TM9SF3: variants seen among roughly 807,000 people sequenced by gnomAD.
The protein encoded by TM9SF3 is transmembrane 9 superfamily member 3, also known as SM-11044-binding protein.
TM9SF3 carries 14 observed loss-of-function variants against 78.6 expected under a neutral mutation model. That is an observed-to-expected ratio of 0.18 (90% CI 0.12 to 0.28). TM9SF3 has a LOEUF of 0.28. Ranked by LOEUF, TM9SF3 falls within the 10% of genes least tolerant of loss-of-function variation. The probability of loss-of-function intolerance (pLI) is 1.00; values close to 1 mark genes in which losing one functional copy is unlikely to be tolerated. For missense variants in TM9SF3, 496 were observed against 721.9 expected, an observed-to-expected ratio of 0.69 and a Z score of 3.59; for synonymous variants, 231 against 241.7, an observed-to-expected ratio of 0.96 and a Z score of 0.41.
intron 1 of TM9SF3, among the ~76,000 whole-genome samples, chr10:96,584,176 A>G (rs920441068): frequency 1.3e-5 from 2 of 152,248 alleles, no homozygotes; most frequent in African/African-American, 4.8e-5. Flanking sequence ...TTATTGTTTG[A>G]TAATTCAATT....
At chr10:96,558,233 T>C (rs1038091030) in intron 5 of TM9SF3, among the ~76,000 whole-genome samples, 38 of 152,278 alleles carry the variant, frequency 2.5e-4, no homozygotes, top group Non-Finnish European at 1.0e-4. Context: ...CCATACCCTA[T>C]TGAAGATTGC....
intron 9 of TM9SF3, among the ~76,000 whole-genome samples, chr10:96,539,819 CAA>C (rs1034340322): frequency 6.7e-6 from 1 of 150,032 alleles, no homozygotes; most frequent in Non-Finnish European, 1.5e-5. Flanking sequence ...GAAAAATGTC[CAA>C]AAAAAAAGAA....
chr10:96,538,469 T>C (rs1847984768), intron 9 of TM9SF3, among the ~76,000 whole-genome samples: 2 of 152,136 alleles, frequency 1.3e-5, no homozygotes, highest in African/African-American at 2.4e-5. Context: ...TGATGTCTGG[T>C]TTGGCAAAAG....
intron 5 of TM9SF3, among the ~76,000 whole-genome samples, chr10:96,557,061 T>C (rs1463694743): frequency 2.0e-5 from 3 of 152,152 alleles, no homozygotes; most frequent in African/African-American, 7.2e-5. Context: ...CAGGGCTTAG[T>C]CCTTGGTCCT....
intron 9 of TM9SF3, 67 bp from the exon 10 acceptor site, chr10:96,533,257 G>A: frequency 6.6e-7 from 1 of 1,511,812 alleles, no homozygotes; most frequent in Non-Finnish European, 8.9e-7. Flanking sequence ...AAATAAAAGA[G>A]ACACAATTTA....
chr10:96,567,640 A>C lies in TM9SF3; in HGVS notation c.299-2214T>G, dbSNP rs528686769. Among the ~76,000 whole-genome samples, 4 of 151,026 alleles carry C rather than the reference A, an allele frequency of 2.6e-5. No homozygotes were observed. The South Asian group carries it at 8.3e-4, about 31-fold the overall frequency. ...CCCACTCCCCACACTTCTTATACCCACTCCCATACCTCCCTTATGGCATGT... is the reference window on the plus strand; with the variant it reads ...CCCACTCCCCACACTTCTTATACCCCCTCCCATACCTCCCTTATGGCATGT... On this transcript the variant is annotated intron_variant, in intron 2 of 14. Transcript: ENST00000371142.
chr10:96,539,828 A>G (rs945099561), intron 9 of TM9SF3, among the ~76,000 whole-genome samples: 2 of 152,206 alleles, frequency 1.3e-5, no homozygotes, highest in Non-Finnish European at 1.5e-5. Context: ...CCAAAAAAAA[A>G]GAACAAAAAC....
chr10:96,530,946 C>G (rs558967011), intron 10 of TM9SF3, among the ~76,000 whole-genome samples: 1 of 152,280 alleles, frequency 6.6e-6, no homozygotes, highest in South Asian at 2.1e-4. Flanking sequence ...GGCATTTATT[C>G]ACAAAAAGCC....
At chr10:96,561,796 G>C (rs1848311208) in intron 4 of TM9SF3, among the ~76,000 whole-genome samples, 182 bp downstream of exon 4, 1 of 152,224 alleles carries the variant, frequency 6.6e-6, no homozygotes, top group Non-Finnish European at 1.5e-5. Context: ...CTACAGACCT[G>C]AAGCAAATCC....
At chr10:96,580,420 C>A (rs1468897082) in intron 1 of TM9SF3, among the ~76,000 whole-genome samples, 2 of 152,086 alleles carry the variant, frequency 1.3e-5, no homozygotes, top group African/African-American at 4.8e-5. Flanking sequence ...CGCCCACCAC[C>A]ACACCCGGCT....
chr10:96,583,438 A>G (rs1033964567), intron 1 of TM9SF3, among the ~76,000 whole-genome samples: 2 of 152,262 alleles, frequency 1.3e-5, no homozygotes, highest in African/African-American at 4.8e-5. Flanking sequence ...TCATGGAGCC[A>G]CACTCATTCG....
intron 7 of TM9SF3, among the ~76,000 whole-genome samples, chr10:96,549,816 TTAAAA>T (rs1848146555): frequency 1.6e-5 from 2 of 121,820 alleles, no homozygotes. Flanking sequence ...CTTCTGCATT[TTAAAA>T]AAAAAAAAAA....
At chr10:96,534,507 A>AGTT (rs1847932902) in intron 9 of TM9SF3, among the ~76,000 whole-genome samples, 1 of 146,092 alleles carries the variant, frequency 6.8e-6, no homozygotes, top group South Asian at 2.1e-4. Context: ...CTTTCTTAAT[A>AGTT]ACTACAAGAC....
intron 9 of TM9SF3, among the ~76,000 whole-genome samples, chr10:96,534,990 T>C (rs1314586967): frequency 6.6e-6 from 1 of 152,192 alleles, no homozygotes; most frequent in Non-Finnish European, 1.5e-5. Context: ...AATTAAGGCC[T>C]GCACATATTT....
intron 5 of TM9SF3, among the ~76,000 whole-genome samples, chr10:96,557,253 C>T (rs1480960281): frequency 6.6e-6 from 1 of 152,108 alleles, no homozygotes; most frequent in Non-Finnish European, 1.5e-5. Context: ...TACAGACACA[C>T]CAAAACGAAC....
Position 96,521,351 on chromosome 10 carries a change from C to G in TM9SF3, c.*912G>C, listed in dbSNP as rs1218802607. 6.5e-6 allele frequency: 1 copy of G among 153,502 alleles called. No homozygotes were observed. Among genetic ancestry groups the G allele is most frequent in the East Asian group, 1.9e-4 (1 of 5,240 alleles). The allele number at this position is 153,502 out of a possible 1,614,324, so 9.5% of individuals were successfully genotyped here. A position where few individuals can be genotyped will look rare whatever the true frequency, so the allele number is the denominator to read the frequency against. On this transcript the variant is annotated 3_prime_UTR_variant, in exon 15 of 15. Transcript: ENST00000371142. ...GTTATATACATTTATTACCCACCCC[C>G]CTTGTTTTTAATAATTTCTTATGTA...
At chr10:96,552,821 T>C (rs1848190313) in intron 6 of TM9SF3, 107 bp downstream of exon 6, 2 of 1,121,580 alleles carry the variant, frequency 1.8e-6, no homozygotes, top group African/African-American at 3.2e-5. Flanking sequence ...TCCTGAATTG[T>C]GGAAACTCAA....
rs775964431 is a variant in TM9SF3, at chr10:96,521,371, T to C, written c.*892A>G. 2 of 152,986 alleles carry C rather than the reference T, an allele frequency of 1.3e-5. No homozygotes were observed. Among genetic ancestry groups the C allele is most frequent in the East Asian group, 3.8e-4 (2 of 5,222 alleles). The allele number at this position is 152,986 out of a possible 1,614,324, so 9.5% of individuals were successfully genotyped here. A position where few individuals can be genotyped will look rare whatever the true frequency, so the allele number is the denominator to read the frequency against. ...ACCCCCCTTGTTTTTAATAATTTCT[T>C]ATGTAAAACCTTCATTCAAACCCAA... On this transcript the variant is annotated 3_prime_UTR_variant, in exon 15 of 15. Transcript: ENST00000371142.
intron 4 of TM9SF3, 102 bp downstream of exon 4, chr10:96,561,876 C>A (rs1848312136): frequency 1.1e-6 from 1 of 931,872 alleles, no homozygotes; most frequent in Non-Finnish European, 1.6e-6. Context: ...TCTGTTGCAT[C>A]CCATTTCAAG....
Sources: gnomAD v4.1 joint callset for allele counts (sites outside exome capture counted in the v4.1 genomes callset) on GRCh38, gnomAD v4.1.1 for gene constraint, MANE v1.5 for transcripts, NCBI Gene and HGNC (gene_info 2026-07-23, HGNC 2026-07-21) for gene names.